CDK14: variants seen among roughly 807,000 people sequenced by gnomAD.
CDK14 encodes the protein cyclin-dependent kinase 14.
A neutral mutation model predicts 60.7 loss-of-function variants in CDK14; 34 were observed. The observed-to-expected ratio is 0.56, with a 90% CI of 0.43 to 0.75. The LOEUF is 0.75. Ranked by LOEUF, CDK14 falls within the 30% of genes least tolerant of loss-of-function variation. The pLI, the probability that CDK14 is intolerant of heterozygous loss-of-function variation, is 0.00. For synonymous variants in CDK14, 197 were observed against 203.7 expected (o/e 0.97, Z 0.28); for missense variants, 482 against 564.1 (o/e 0.85, Z 1.47).
intron 5 of CDK14, among the ~76,000 whole-genome samples, chr7:90,817,491 G>A (rs3779560): frequency 6.6e-6 from 1 of 151,936 alleles, no homozygotes; most frequent in Admixed American, 6.6e-5. Flanking sequence ...TCAACAGCAG[G>A]GGTCAGTTTT....
intron 10 of CDK14, among the ~76,000 whole-genome samples, chr7:91,003,022 A>C (rs1470621709): frequency 7.2e-5 from 11 of 152,178 alleles, no homozygotes; most frequent in African/African-American, 2.7e-4. Flanking sequence ...TAGTGAGCCG[A>C]GATCACGCCA....
At chr7:90,697,904 G>A (rs1021252989) in intron 2 of CDK14, among the ~76,000 whole-genome samples, 1 of 150,780 alleles carries the variant, frequency 6.6e-6, no homozygotes, top group East Asian at 2.0e-4. Context: ...CCATCTCTAC[G>A]AAAAATACAA....
At chr7:90,899,069 G>T in intron 6 of CDK14, among the ~76,000 whole-genome samples, 1 of 151,778 alleles carries the variant, frequency 6.6e-6, no homozygotes, top group Admixed American at 6.6e-5. Flanking sequence ...TTAATATATA[G>T]AAATATTTAA....
chr7:91,118,811 T>C (rs1465303577), intron 14 of CDK14, among the ~76,000 whole-genome samples: 1 of 152,202 alleles, frequency 6.6e-6, no homozygotes, highest in African/African-American at 2.4e-5. Flanking sequence ...CTTATCATGA[T>C]GAAGCTTTTC....
chr7:90,934,528 T>C (rs528752056), intron 8 of CDK14, among the ~76,000 whole-genome samples: 1 of 152,362 alleles, frequency 6.6e-6, no homozygotes, highest in South Asian at 2.1e-4. Context: ...CAGTGAACTT[T>C]AGTTTTAAAA....
At chr7:90,717,044 A>G (rs183025539) in intron 2 of CDK14, among the ~76,000 whole-genome samples, 1 of 152,204 alleles carries the variant, frequency 6.6e-6, no homozygotes, top group Non-Finnish European at 1.5e-5. Context: ...AATGCTAACT[A>G]CATTCTGAAA....
At chr7:90,851,281 G>C (rs1044166629) in intron 5 of CDK14, among the ~76,000 whole-genome samples, 1 of 152,086 alleles carries the variant, frequency 6.6e-6, no homozygotes, top group Admixed American at 6.6e-5. Flanking sequence ...TGTGCATGGT[G>C]AATCAATCAC....
chr7:91,044,701 G>C (rs1220890502), intron 10 of CDK14, among the ~76,000 whole-genome samples: 1 of 152,030 alleles, frequency 6.6e-6, no homozygotes, highest in Non-Finnish European at 1.5e-5. Flanking sequence ...ATATCTAGTG[G>C]TCCTTCTTCT....
At chr7:91,177,516 G>A (rs1323715611) in intron 14 of CDK14, among the ~76,000 whole-genome samples, 2 of 151,336 alleles carry the variant, frequency 1.3e-5, no homozygotes, top group African/African-American at 2.4e-5. Flanking sequence ...GAGGAAGTCA[G>A]ATTGTCCCTG....
At chr7:90,810,909 G>A (rs912096897) in intron 5 of CDK14, among the ~76,000 whole-genome samples, 1 of 151,922 alleles carries the variant, frequency 6.6e-6, no homozygotes, top group African/African-American at 2.4e-5. Context: ...CAACTTACAA[G>A]GGACGTGAAG....
chr7:90,600,668 G>T (rs1384323343), intron 1 of CDK14, among the ~76,000 whole-genome samples: 2 of 152,164 alleles, frequency 1.3e-5, no homozygotes, highest in South Asian at 4.1e-4. Flanking sequence ...GAAATATAAG[G>T]TTAAATGTTC....
chr7:91,140,767 G>A (rs1200243794), intron 14 of CDK14, among the ~76,000 whole-genome samples: 2 of 152,036 alleles, frequency 1.3e-5, no homozygotes, highest in Non-Finnish European at 2.9e-5. Context: ...AAAGTATTTA[G>A]CACAATACTT....
intron 5 of CDK14, among the ~76,000 whole-genome samples, chr7:90,839,002 C>A (rs978588440): frequency 3.9e-5 from 6 of 152,110 alleles, no homozygotes; most frequent in Admixed American, 3.3e-4. Flanking sequence ...AGCTAGGGGT[C>A]GCCATCACGG....
chr7:90,617,649 G>A (rs535610737), intron 2 of CDK14, among the ~76,000 whole-genome samples: 1 of 152,212 alleles, frequency 6.6e-6, no homozygotes, highest in South Asian at 2.1e-4. Flanking sequence ...TGAAATCAAG[G>A]GAGTTTCTTT....
At chr7:91,138,313 A>G (rs570423019) in intron 14 of CDK14, among the ~76,000 whole-genome samples, 2 of 152,292 alleles carry the variant, frequency 1.3e-5, no homozygotes, top group South Asian at 2.1e-4. Flanking sequence ...GTGGAAGTAC[A>G]TATGTTTGAA....
intron 14 of CDK14, among the ~76,000 whole-genome samples, chr7:91,121,043 C>T (rs905991274): frequency 1.3e-5 from 2 of 152,094 alleles, no homozygotes; most frequent in African/African-American, 2.4e-5. Context: ...GGACCATCTT[C>T]GAGATCAAAT....
At chr7:91,099,647 G>A (rs896541193) in intron 12 of CDK14, among the ~76,000 whole-genome samples, 3 of 152,100 alleles carry the variant, frequency 2.0e-5, no homozygotes, top group African/African-American at 7.2e-5. Context: ...AATCTTCACA[G>A]CAGTCCTGTG....
chr7:91,155,113 A>G (rs1045456913), intron 14 of CDK14, among the ~76,000 whole-genome samples: 2 of 152,178 alleles, frequency 1.3e-5, no homozygotes, highest in Non-Finnish European at 1.5e-5. Context: ...ACTCCCAGGA[A>G]AAGTGAGGAT....
intron 5 of CDK14, among the ~76,000 whole-genome samples, chr7:90,810,782 A>G (rs1408117962): frequency 6.6e-5 from 10 of 152,000 alleles, no homozygotes; most frequent in Non-Finnish European, 1.3e-4. Flanking sequence ...AGGATACAAA[A>G]TCAATGTACA....
Sources: gnomAD v4.1 joint callset for allele counts (sites outside exome capture counted in the v4.1 genomes callset) on GRCh38, gnomAD v4.1.1 for gene constraint, MANE v1.5 for transcripts, NCBI Gene and HGNC (gene_info 2026-07-23, HGNC 2026-07-21) for gene names.